CFAP299: variants seen among roughly 807,000 people sequenced by gnomAD.
CFAP299 encodes cilia and flagella associated protein 299, also known as cilia- and flagella-associated protein 299.
In CFAP299, 21 loss-of-function variants were observed where a neutral mutation model predicts 27.0. That is an observed-to-expected ratio of 0.78 (90% CI 0.55 to 1.12). The LOEUF (loss-of-function observed/expected upper bound fraction) is 1.12, where lower values mean the gene tolerates loss of function less well. Ranked by LOEUF, CFAP299 falls within the 50% of genes most tolerant of loss-of-function variation. CFAP299 has a pLI of 0.00. For synonymous variants in CFAP299, 104 were observed against 98.1 expected (o/e 1.06, Z -0.36); for missense variants, 310 against 276.6 (o/e 1.12, Z -0.86).
At chr4:80,737,308 TATA>T (rs1247180323) in intron 3 of CFAP299, among the ~76,000 whole-genome samples, 1 of 150,796 alleles carries the variant, frequency 6.6e-6, no homozygotes, top group Admixed American at 6.6e-5. Flanking sequence ...AAACTTAAAG[TATA>T]ATAATAATAA....
rs185270258 is a variant in CFAP299, at chr4:80,415,612, T to A, written c.242+52728T>A. ...TGAAATATATACATTGTAAAAAAAG[T>A]TAATGTATATATTTATGCTATAGAC... On this transcript the variant is annotated intron_variant, in intron 2 of 5. Coordinates refer to ENST00000358105, the MANE Select transcript of CFAP299 (RefSeq NM_152770.3). Among the ~76,000 whole-genome samples the A allele has an allele frequency of 6.6e-3, 1,008 of 152,250 alleles. 13 individuals carry two copies. Among genetic ancestry groups the A allele is most frequent in the Non-Finnish European group, 6.3e-3 (428 of 67,998 alleles).
intron 5 of CFAP299, among the ~76,000 whole-genome samples, chr4:80,954,929 G>A (rs576009962): frequency 2.2e-5 from 3 of 137,056 alleles, no homozygotes; most frequent in Non-Finnish European, 4.6e-5. Flanking sequence ...GAACCCAGGA[G>A]ACGGAGCTTG....
rs1737781134 is a variant in CFAP299 at position 80,608,299 on chromosome 4, C to G, written c.333+25116C>G. On this transcript the variant is annotated intron_variant, in intron 3 of 5. Coordinates refer to ENST00000358105, the MANE Select transcript of CFAP299 (RefSeq NM_152770.3). ...GAGATTTGTTAACATGTGGAATACA[C>G]CTCAGTTGGATTTCCCCTTTTAATT... The G allele has an allele frequency of 3.5e-6, 5 of 1,425,288 alleles. No homozygotes were observed. In the African/African-American group the frequency reaches 7.1e-5, roughly 20 times the overall value. The allele number at this position is 1,425,288 out of a possible 1,614,324, so 88.3% of individuals were successfully genotyped here.
At chr4:80,658,696 C>T (rs1740685086) in intron 3 of CFAP299, among the ~76,000 whole-genome samples, 1 of 152,104 alleles carries the variant, frequency 6.6e-6, no homozygotes, top group Non-Finnish European at 1.5e-5. Flanking sequence ...CTCTCTATTT[C>T]ATCCTCTCTC....
intron 4 of CFAP299, among the ~76,000 whole-genome samples, chr4:80,897,417 T>C (rs1040758110): frequency 4.6e-5 from 7 of 152,236 alleles, no homozygotes; most frequent in African/African-American, 1.7e-4. Context: ...TTAGATGTAC[T>C]GGTCTGGATC....
At position 80,896,249 on chromosome 4, in the gene CFAP299, A is replaced by G. The variant is rs182912921; in HGVS notation, c.476+26114A>G. 1.5e-3 allele frequency among the ~76,000 whole-genome samples: 230 copies of G among 152,244 alleles called. 1 individual carries two copies. The highest frequency in any genetic ancestry group is 1.9e-3 in the Non-Finnish European group (130 of 67,952). On this transcript the variant is annotated intron_variant, in intron 4 of 5. Coordinates refer to ENST00000358105, the MANE Select transcript of CFAP299 (RefSeq NM_152770.3). ...ATGAAATAATATTTTAAAAATACCA[A>G]AATATCCAGAATGGTTATTTTGTAA...
chr4:80,339,837 T>TG (rs1324925152), intron 1 of CFAP299, among the ~76,000 whole-genome samples: 1 of 152,198 alleles, frequency 6.6e-6, no homozygotes, highest in Non-Finnish European at 1.5e-5. Flanking sequence ...TTAATAAAGG[T>TG]GCCTATGACC....
chr4:80,518,694 T>C (rs1732715393), intron 2 of CFAP299, among the ~76,000 whole-genome samples: 1 of 152,082 alleles, frequency 6.6e-6, no homozygotes, highest in Non-Finnish European at 1.5e-5. Context: ...TGTTGGGTGG[T>C]GAGCAGGGAA....
intron 4 of CFAP299, among the ~76,000 whole-genome samples, chr4:80,886,771 A>T (rs992425679): frequency 2.6e-5 from 4 of 152,138 alleles, no homozygotes; most frequent in African/African-American, 9.7e-5. Context: ...GACATATATG[A>T]CCTTTCAGAC....
intron 2 of CFAP299, among the ~76,000 whole-genome samples, chr4:80,497,113 C>T (rs1731489016): frequency 6.6e-6 from 1 of 152,066 alleles, no homozygotes; most frequent in Non-Finnish European, 1.5e-5. Context: ...GACACACATG[C>T]AAACTATATA....
chr4:80,623,651 G>A (rs1316204831), intron 3 of CFAP299, among the ~76,000 whole-genome samples: 4 of 152,040 alleles, frequency 2.6e-5, no homozygotes, highest in Admixed American at 1.3e-4. Flanking sequence ...CACCAAACCC[G>A]GGCAACACAA....
chr4:80,792,731 T>C (rs1038334953), intron 3 of CFAP299, among the ~76,000 whole-genome samples: 1 of 152,132 alleles, frequency 6.6e-6, no homozygotes, highest in Non-Finnish European at 1.5e-5. Flanking sequence ...TTTATCCCTT[T>C]CACAGCCCAG....
chr4:80,321,552 G>A, the CFAP299 span, among the ~76,000 whole-genome samples: 3 of 152,086 alleles, frequency 2.0e-5, no homozygotes, highest in Non-Finnish European at 2.9e-5. Context: ...GCCCATGAAG[G>A]GCCGCTCCCC....
intron 3 of CFAP299, among the ~76,000 whole-genome samples, chr4:80,693,057 G>A (rs1720837450): frequency 6.6e-6 from 1 of 152,274 alleles, no homozygotes; most frequent in African/African-American, 2.4e-5. Context: ...ACAGGTGCTG[G>A]ACAGGATGTG....
intron 3 of CFAP299, among the ~76,000 whole-genome samples, chr4:80,728,993 T>C (rs1722163642): frequency 6.6e-6 from 1 of 152,168 alleles, no homozygotes; most frequent in South Asian, 2.1e-4. Context: ...GATCCACTTC[T>C]TTCTTTTTTC....
rs34491955 is a variant in CFAP299, at chr4:80,808,030, T to TAA, written c.334-61954_334-61953dup. 3.1e-3 allele frequency among the ~76,000 whole-genome samples: 450 copies of TAA among 146,878 alleles called. 1 individual carries two copies. The highest frequency in any genetic ancestry group is 0.01 in the African/African-American group (418 of 40,126). Reference sequence around the variant, plus strand: ...AATTTAAACACTATTAGTGAAGAGTTAAAAAAAAAACAAAGGGGAAATTAA... The same window carrying TAA: ...AATTTAAACACTATTAGTGAAGAGTTAAAAAAAAAAAACAAAGGGGAAATTAA... On this transcript the variant is annotated intron_variant, in intron 3 of 5. Transcript: ENST00000358105.
At chr4:80,650,628 G>C (rs1740231751) in intron 3 of CFAP299, among the ~76,000 whole-genome samples, 1 of 152,114 alleles carries the variant, frequency 6.6e-6, no homozygotes, top group Non-Finnish European at 1.5e-5. Context: ...ACAGTACAGG[G>C]CTAGGGTTAG....
Position 80,629,042 on chromosome 4 carries a change from C to T in CFAP299, c.333+45859C>T, listed in dbSNP as rs535192116. On this transcript the variant is annotated intron_variant, in intron 3 of 5. Coordinates refer to ENST00000358105, the MANE Select transcript of CFAP299 (RefSeq NM_152770.3). ...TTTGTGTTTATTGCAGAATTATTCA[C>T]AAAAGCCAAGATATGGAATCAACCT... Among the ~76,000 whole-genome samples the T allele has an allele frequency of 2.5e-4, 38 of 152,142 alleles. 1 individual carries two copies. The highest frequency in any genetic ancestry group is 2.1e-4 in the South Asian group (1 of 4,826).
intron 3 of CFAP299, among the ~76,000 whole-genome samples, chr4:80,705,008 A>G (rs1721739957): frequency 6.6e-6 from 1 of 151,780 alleles, no homozygotes; most frequent in Non-Finnish European, 1.5e-5. Flanking sequence ...CTATAGGATA[A>G]AGTAGAAACT....
Sources: gnomAD v4.1 joint callset for allele counts (sites outside exome capture counted in the v4.1 genomes callset) on GRCh38, gnomAD v4.1.1 for gene constraint, MANE v1.5 for transcripts, NCBI Gene and HGNC (gene_info 2026-07-23, HGNC 2026-07-21) for gene names.